Variants in DUSP12 observed in about 807,000 individuals in gnomAD.
DUSP12 encodes the protein dual specificity protein phosphatase 12.
DUSP12 carries 25 observed loss-of-function variants against 38.9 expected under a neutral mutation model. The ratio of observed to expected loss-of-function variants is 0.64; its 90% CI spans 0.47 to 0.90. The LOEUF (loss-of-function observed/expected upper bound fraction) is 0.90. Ranked by LOEUF, DUSP12 falls within the 40% of genes least tolerant of loss-of-function variation. The pLI, the probability that DUSP12 is intolerant of heterozygous loss-of-function variation, is 0.00. For synonymous variants in DUSP12, 153 were observed against 153.9 expected, an observed-to-expected ratio of 0.99 and a Z score of 0.05; for missense variants, 403 against 427.0, an observed-to-expected ratio of 0.94 and a Z score of 0.50.
In DUSP12 at chr1:161,753,128, C is replaced by CTATA; in HGVS notation, c.729_732dup (p.Ala245TyrfsTer28). On this transcript the variant is annotated frameshift_variant, in exon 5 of 6. Transcript: ENST00000367943. LOFTEE classifies it high-confidence loss of function. Reference sequence around the variant, plus strand: ...CTGGATCACCGTGAAGGAAGTGGACCTATAGCCTTTGCCCACAAGAGAATG... The same window carrying CTATA: ...CTGGATCACCGTGAAGGAAGTGGACCTATATATAGCCTTTGCCCACAAGAGAATG... The CTATA allele has an allele frequency of 1.9e-6, 3 of 1,613,842 alleles. No homozygotes were observed. The highest frequency in any genetic ancestry group is 1.7e-6 in the Non-Finnish European group (2 of 1,179,880).
At chr1:161,752,551 G>GAAGAT in intron 4 of DUSP12, 87 bp downstream of exon 4, 2 of 930,548 alleles carry the variant, frequency 2.1e-6, no homozygotes. Context: ...ATTTCTGTAG[G>GAAGAT]AAGATTTTGT....
In DUSP12 at chr1:161,756,955, A is replaced by G; in HGVS notation, c.*8A>G. On this transcript the variant is annotated 3_prime_UTR_variant, in exon 6 of 6. Coordinates refer to ENST00000367943, the MANE Select transcript of DUSP12 (RefSeq NM_007240.3). ...CAAACAGGAAAAATATGAACATGATATTTTATAGCTTGGGAAGAAACTTGC... is the reference window on the plus strand; with the variant it reads ...CAAACAGGAAAAATATGAACATGATGTTTTATAGCTTGGGAAGAAACTTGC... 4 of 1,609,098 alleles carry G rather than the reference A, an allele frequency of 2.5e-6. No individual in the cohort carries two copies. The highest frequency in any genetic ancestry group is 3.4e-6 in the Non-Finnish European group (4 of 1,176,312).
intron 5 of DUSP12, among the ~76,000 whole-genome samples, chr1:161,754,838 C>CT (rs892142108): frequency 5.9e-5 from 9 of 151,322 alleles, no homozygotes; most frequent in African/African-American, 1.5e-4. Flanking sequence ...TCTTCCCATT[C>CT]TTTTTTTTTG....
rs1028778581 is a variant in DUSP12, at chr1:161,756,680, A to G, written c.862-106A>G. On this transcript the variant is annotated intron_variant, in intron 5 of 5. Coordinates refer to ENST00000367943, the MANE Select transcript of DUSP12 (RefSeq NM_007240.3). ...TCTCACTGATTAGATTATAAACTCA[A>G]CGTGGGGATCGTGTCTTGTTTTTAT... The G allele has an allele frequency of 3.7e-5, 48 of 1,294,256 alleles. No individual in the cohort carries two copies. The East Asian group carries it at 6.3e-4, about 17-fold the overall frequency. The allele number at this position is 1,294,256 out of a possible 1,614,324, so 80.2% of individuals were successfully genotyped here. A position where few individuals can be genotyped will look rare whatever the true frequency, so the allele number is the denominator to read the frequency against.
chr1:161,752,403 G>C lies in DUSP12; in HGVS notation c.613G>C (p.Asp205His), dbSNP rs889736663. 49 of 1,612,958 alleles carry C rather than the reference G, an allele frequency of 3.0e-5. No individual in the cohort carries two copies. Among genetic ancestry groups the C allele is most frequent in the Non-Finnish European group, 3.6e-5 (43 of 1,179,388 alleles). The change falls in exon 4 of 6, where the codon GAC (aspartate) becomes CAC (histidine). Residue 205 changes from aspartate (D) to histidine (H), a missense_variant. By Grantham distance (81) the Asp-to-His change is moderately conservative. Coordinates refer to ENST00000367943, the MANE Select transcript of DUSP12 (RefSeq NM_007240.3). The part of the protein sequence containing the change: ...QNLPQELFAV[D>H]PTTVSQGLKD... ...TTTACCTCAAGAACTCTTTGCTGTTGACCCAACTACCGTTTCACAAGGATT... is the reference window on the plus strand; with the variant it reads ...TTTACCTCAAGAACTCTTTGCTGTTCACCCAACTACCGTTTCACAAGGATT...
rs1319846122 is a variant in DUSP12 at position 161,749,934 on chromosome 1, C to T, written c.133C>T (p.Pro45Ser). Residue 45 changes from proline to serine, a missense_variant, in exon 1 of 6, where the codon CCA becomes TCA. Coordinates refer to ENST00000367943, the MANE Select transcript of DUSP12 (RefSeq NM_007240.3). ...YFGGAAAVAE[P>S]DHLREAGITA... ...CGGTGGGGCCGCGGCCGTCGCGGAG[C>T]CAGATCACCTGAGGGAAGCGGGCAT... 6.2e-7 allele frequency: 1 copy of T among 1,613,962 alleles called. No individual in the cohort carries two copies. Among genetic ancestry groups the T allele is most frequent in the South Asian group, 1.1e-5 (1 of 91,082 alleles).
At position 161,750,014 on chromosome 1, in the gene DUSP12, G is replaced by A. The variant is rs373331530; in HGVS notation, c.213G>A (p.Gly71=). The A allele has an allele frequency of 3.0e-4, 484 of 1,613,974 alleles. No individual in the cohort carries two copies. The highest frequency in any genetic ancestry group is 3.7e-4 in the Non-Finnish European group (434 of 1,179,992). ...SEEPSFKAGP[G]VEDLWRLFVP... The stretch of plus-strand genomic sequence containing the variant: ...AGCCCAGCTTCAAGGCGGGGCCTGG[G>A]GTCGAGGATCTATGGCGCCTCTTCG... The change falls in exon 1 of 6, where the codon GGG becomes GGA. Residue 71 remains glycine, a synonymous_variant. Transcript: ENST00000367943.
At chr1:161,753,365 A>T in intron 5 of DUSP12, 104 bp downstream of exon 5, 7 of 941,242 alleles carry the variant, frequency 7.4e-6, no homozygotes, top group Non-Finnish European at 1.0e-5. Context: ...CCATTTCTTA[A>T]TTTCTTTATT....
At position 161,752,380 on chromosome 1, in the gene DUSP12, T is replaced by C; in HGVS notation, c.590T>C (p.Leu197Ser). 1 of 1,609,574 alleles carries C rather than the reference T, an allele frequency of 6.2e-7. No individual in the cohort carries two copies. Among genetic ancestry groups the C allele is most frequent in the South Asian group, 1.1e-5 (1 of 90,728 alleles). Reference protein sequence around the residue: ...VTEKYPELQNLPQELFAVDPT... With the variant: ...VTEKYPELQNSPQELFAVDPT... The stretch of plus-strand genomic sequence containing the variant: ...TTATGTCATATAGAATTGCAGAATT[T>C]ACCTCAAGAACTCTTTGCTGTTGAC... Residue 197 changes from leucine (L) to serine (S), a missense_variant, in exon 4 of 6, where the codon TTA becomes TCA. Physicochemically the swap from Leu to Ser is moderately radical, Grantham distance 145. Coordinates refer to ENST00000367943, the MANE Select transcript of DUSP12 (RefSeq NM_007240.3).
rs1241613858 is a variant in DUSP12, at chr1:161,750,022, A to G, written c.221A>G (p.Asp74Gly). 1 of 1,613,976 alleles carries G rather than the reference A, an allele frequency of 6.2e-7. No individual in the cohort carries two copies. Among genetic ancestry groups the G allele is most frequent in the Non-Finnish European group, 8.5e-7 (1 of 1,179,968 alleles). Reference protein sequence around the residue: ...PSFKAGPGVEDLWRLFVPALD... With the variant: ...PSFKAGPGVEGLWRLFVPALD... ...TTCAAGGCGGGGCCTGGGGTCGAGG[A>G]TCTATGGCGCCTCTTCGTGCCAGCG... Residue 74 changes from aspartate to glycine, a missense_variant, in exon 1 of 6, where the codon GAT becomes GGT. By Grantham distance (94) the Asp-to-Gly change is moderately conservative. Transcript: ENST00000367943.
At chr1:161,756,518 T>TGC (rs1684113254) in intron 5 of DUSP12, among the ~76,000 whole-genome samples, 1 of 126,290 alleles carries the variant, frequency 7.9e-6, no homozygotes, top group Non-Finnish European at 1.6e-5. Context: ...TATATATATA[T>TGC]ATGCCACATC....
At position 161,749,854 on chromosome 1, in the gene DUSP12, C is replaced by T. The variant is rs746185804; in HGVS notation, c.53C>T (p.Ala18Val). 9 of 1,606,376 alleles carry T rather than the reference C, an allele frequency of 5.6e-6. No individual in the cohort carries two copies. Among genetic ancestry groups the T allele is most frequent in the Non-Finnish European group, 7.6e-6 (9 of 1,176,748 alleles). The change falls in exon 1 of 6, where the codon GCC becomes GTC. Residue 18 changes from alanine (A) to valine (V), a missense_variant. By Grantham distance (64) the Ala-to-Val change is moderately conservative. Transcript: ENST00000367943. ...SDGCELSNPS[A>V]SRVSCAGQML... ...GGCTGCGAGCTCAGCAACCCCAGCG[C>T]CAGCAGAGTCAGCTGTGCCGGGCAG...
chr1:161,749,809 A>C lies in DUSP12; in HGVS notation c.8A>C (p.Glu3Ala). 6.3e-7 allele frequency: 1 copy of C among 1,574,904 alleles called. No homozygotes were observed. Among genetic ancestry groups the C allele is most frequent in the Non-Finnish European group, 8.6e-7 (1 of 1,161,394 alleles). ...TTGTCTCTGGGCGCGGCCATGTTGG[A>C]GGCTCCGGGCCCGAGTGATGGCTGC... Reference protein sequence around the residue: MLEAPGPSDGCEL... With the variant: MLAAPGPSDGCEL... Residue 3 changes from glutamate (E) to alanine (A), a missense_variant, in exon 1 of 6, where the codon GAG becomes GCG. Transcript: ENST00000367943.
chr1:161,757,125 G>A lies in DUSP12; in HGVS notation c.*178G>A. ...ATGGCAATCAAAGCCTTTTGATCATGTACATTTTATTTGATATTAAAATCT... is the reference window on the plus strand; with the variant it reads ...ATGGCAATCAAAGCCTTTTGATCATATACATTTTATTTGATATTAAAATCT... On this transcript the variant is annotated 3_prime_UTR_variant, in exon 6 of 6. Transcript: ENST00000367943. 1.9e-6 allele frequency: 1 copy of A among 521,376 alleles called. No homozygotes were observed. 32.3% of individuals were successfully genotyped at this position (521,376 alleles called of 1,614,324 possible).
intron 5 of DUSP12, among the ~76,000 whole-genome samples, chr1:161,755,282 T>A (rs929051824): frequency 5.9e-5 from 9 of 152,224 alleles, no homozygotes; most frequent in Non-Finnish European, 1.3e-4. Flanking sequence ...CCAGCCAAGT[T>A]AAATACATTT....
In DUSP12 at chr1:161,753,052, T is replaced by C. The variant is rs764100605; in HGVS notation, c.675-23T>C. The C allele has an allele frequency of 3.8e-6, 6 of 1,576,592 alleles. No homozygotes were observed. In the African/African-American group the frequency reaches 8.3e-5, roughly 22 times the overall value. Reference sequence around the variant, plus strand: ...TCATCCTTTTGGAAGTCATTAATGCTTTTGTTTGTTTGGGGGTTGCAGGCG... The same window carrying C: ...TCATCCTTTTGGAAGTCATTAATGCCTTTGTTTGTTTGGGGGTTGCAGGCG... On this transcript the variant is annotated intron_variant, in intron 4 of 5. Transcript: ENST00000367943.
Position 161,749,897 on chromosome 1 carries a change from A to C in DUSP12, c.96A>C (p.Pro32=). The change falls in exon 1 of 6, where the codon CCA becomes CCC. Residue 32 remains proline (P), a synonymous_variant. Coordinates refer to ENST00000367943, the MANE Select transcript of DUSP12 (RefSeq NM_007240.3). ...SCAGQMLEVQ[P]GLYFGGAAAV... Reference sequence around the variant, plus strand: ...CCGGGCAGATGCTGGAAGTGCAGCCAGGATTGTATTTCGGTGGGGCCGCGG... The same window carrying C: ...CCGGGCAGATGCTGGAAGTGCAGCCCGGATTGTATTTCGGTGGGGCCGCGG... 2 of 1,613,580 alleles carry C rather than the reference A, an allele frequency of 1.2e-6. No individual in the cohort carries two copies. The highest frequency in any genetic ancestry group is 1.7e-6 in the Non-Finnish European group (2 of 1,179,780).
chr1:161,756,988 A>T lies in DUSP12; in HGVS notation c.*41A>T, dbSNP rs749231441. On this transcript the variant is annotated 3_prime_UTR_variant, in exon 6 of 6. Transcript: ENST00000367943. ...GCTTGGGAAGAAACTTGCAGATGAT[A>T]TGTGCTGCCTTTGCTTCTTATCATT... 2.6e-5 allele frequency: 41 copies of T among 1,582,080 alleles called. 1 individual carries two copies. The East Asian group carries it at 9.0e-4, about 35-fold the overall frequency.
At position 161,749,975 on chromosome 1, in the gene DUSP12, A is replaced by G. The variant is rs371992106; in HGVS notation, c.174A>G (p.Thr58=). The G allele has an allele frequency of 1.2e-6, 2 of 1,613,926 alleles. No homozygotes were observed. The highest frequency in any genetic ancestry group is 1.3e-5 in the African/African-American group (1 of 74,938). The change falls in exon 1 of 6, where the codon ACA becomes ACG. Residue 58 remains threonine (T), a synonymous_variant. Coordinates refer to ENST00000367943, the MANE Select transcript of DUSP12 (RefSeq NM_007240.3). ...LREAGITAVL[T]VDSEEPSFKA... The stretch of plus-strand genomic sequence containing the variant: ...AAGCGGGCATCACGGCCGTGCTAAC[A>G]GTGGACTCGGAGGAGCCCAGCTTCA...
Sources: gnomAD v4.1 joint callset for allele counts (sites outside exome capture counted in the v4.1 genomes callset) on GRCh38, gnomAD v4.1.1 for gene constraint, MANE v1.5 for transcripts, NCBI Gene and HGNC (gene_info 2026-07-23, HGNC 2026-07-21) for gene names.